Variants in ALCAM observed in about 807,000 individuals in gnomAD.
The protein encoded by ALCAM is CD166 antigen.
ALCAM carries 30 observed loss-of-function variants against 70.9 expected under a neutral mutation model. The ratio of observed to expected loss-of-function variants is 0.42; its 90% confidence interval spans 0.32 to 0.57. The LOEUF (loss-of-function observed/expected upper bound fraction) is 0.57. Among genes scored for constraint, ALCAM ranks in the 20% least tolerant of loss-of-function variants. The pLI is 0.11. For missense variants in ALCAM, 591 were observed against 695.1 expected, an observed-to-expected ratio of 0.85 and a Z score of 1.68; for synonymous variants, 249 against 242.5, an observed-to-expected ratio of 1.03 and a Z score of -0.25.
intron 6 of ALCAM, among the ~76,000 whole-genome samples, chr3:105,538,683 A>T (rs1940036076): frequency 1.3e-5 from 2 of 152,114 alleles, no homozygotes; most frequent in African/African-American, 4.8e-5. Context: ...AGGGCCAAGT[A>T]AGAAAAGCAA....
chr3:105,416,105 T>C (rs771788292), intron 1 of ALCAM, among the ~76,000 whole-genome samples: 1 of 152,056 alleles, frequency 6.6e-6, no homozygotes, highest in Non-Finnish European at 1.5e-5. Flanking sequence ...TCCTGATTCT[T>C]TGCTGCATCT....
intron 11 of ALCAM, among the ~76,000 whole-genome samples, chr3:105,548,284 C>G (rs1202103936): frequency 6.6e-6 from 1 of 151,316 alleles, no homozygotes; most frequent in Non-Finnish European, 1.5e-5. Context: ...ATTTGCCAAT[C>G]TGCTTGGGTT....
At chr3:105,508,839 G>C (rs1471243363) in intron 1 of ALCAM, among the ~76,000 whole-genome samples, 1 of 151,860 alleles carries the variant, frequency 6.6e-6, no homozygotes, top group Non-Finnish European at 1.5e-5. Context: ...GTCCTATACA[G>C]TTGTAACTTT....
chr3:105,450,863 T>A (rs1340346094), intron 1 of ALCAM, among the ~76,000 whole-genome samples: 1 of 152,110 alleles, frequency 6.6e-6, no homozygotes, highest in African/African-American at 2.4e-5. Context: ...ATTTAAGGCA[T>A]CCTGAGGTCA....
chr3:105,541,691 A>G lies in ALCAM; in HGVS notation c.917A>G (p.Asn306Ser), dbSNP rs781323112. Residue 306 changes from asparagine (N) to serine (S), a missense_variant, in exon 8 of 16, where the codon AAT becomes AGT. By Grantham distance (46) the Asn-to-Ser change is conservative (BLOSUM62 1). Around this residue, in one of 2 missense-constraint regions of ALCAM, gnomAD observed 427 missense variants for 450.4 expected, o/e 0.95. Transcript: ENST00000306107. ...NTYTLTDVRR[N>S]ATGDYKCSLI... ...TACACACTGACGGATGTGAGGCGCA[A>G]TGCAACAGGAGACTACAAGTGTTCC... The G allele has an allele frequency of 1.3e-5, 21 of 1,612,350 alleles. No homozygotes were observed. Among genetic ancestry groups the G allele is most frequent in the Non-Finnish European group, 1.8e-5 (21 of 1,178,856 alleles).
At chr3:105,559,179 A>G (rs576513329) in intron 14 of ALCAM, among the ~76,000 whole-genome samples, 73 of 148,196 alleles carry the variant, frequency 4.9e-4, no homozygotes, top group Middle Eastern at 3.6e-3. Flanking sequence ...TATATATTAT[A>G]TATACATGTA....
chr3:105,570,220 T>C (rs9828587), intron 14 of ALCAM, among the ~76,000 whole-genome samples: 12,521 of 152,026 alleles, frequency 0.082, 661 homozygotes, highest in Non-Finnish European at 0.12. Flanking sequence ...TTGTAGTTAA[T>C]AGATAAGGCA....
At chr3:105,406,914 C>T (rs747541340) in intron 1 of ALCAM, among the ~76,000 whole-genome samples, 56 of 151,906 alleles carry the variant, frequency 3.7e-4, no homozygotes, top group Non-Finnish European at 6.9e-4. Flanking sequence ...TCATTCAAGA[C>T]GACTATGAAC....
At position 105,474,770 on chromosome 3, in the gene ALCAM, G is replaced by A. The variant is rs540537619; in HGVS notation, c.74-45297G>A. Among the ~76,000 whole-genome samples the A allele has an allele frequency of 5.3e-5, 8 of 151,572 alleles. No individual in the cohort carries two copies. In the South Asian group the frequency reaches 1.7e-3, roughly 31 times the overall value. ...ACATACTATAATTTTAAATTTAAATGTTTAATAGTTTACTTATTATAATTT... is the reference window on the plus strand; with the variant it reads ...ACATACTATAATTTTAAATTTAAATATTTAATAGTTTACTTATTATAATTT... On this transcript the variant is annotated intron_variant, in intron 1 of 15. Transcript: ENST00000306107.
intron 1 of ALCAM, among the ~76,000 whole-genome samples, chr3:105,505,884 G>A (rs573844132): frequency 6.6e-6 from 1 of 152,084 alleles, no homozygotes; most frequent in Non-Finnish European, 1.5e-5. Context: ...CTTTCCCACA[G>A]AAATCATTAT....
chr3:105,400,326 C>A (rs1936057921), intron 1 of ALCAM, among the ~76,000 whole-genome samples: 1 of 152,044 alleles, frequency 6.6e-6, no homozygotes, highest in African/African-American at 2.4e-5. Flanking sequence ...AAATCTGCTG[C>A]AAACATCATT....
chr3:105,464,612 A>T (rs1937662343), intron 1 of ALCAM, among the ~76,000 whole-genome samples: 2 of 151,432 alleles, frequency 1.3e-5, no homozygotes, highest in African/African-American at 4.8e-5. Context: ...TTATCATAAA[A>T]ACAGAAAAGT....
chr3:105,486,792 C>G (rs1938441081), intron 1 of ALCAM, among the ~76,000 whole-genome samples: 1 of 152,008 alleles, frequency 6.6e-6, no homozygotes, highest in African/African-American at 2.4e-5. Flanking sequence ...AAACTTGATT[C>G]AAGAAATAGT....
chr3:105,460,153 A>G (rs893771857), intron 1 of ALCAM, among the ~76,000 whole-genome samples: 3 of 152,038 alleles, frequency 2.0e-5, no homozygotes, highest in African/African-American at 7.2e-5. Flanking sequence ...TTGTGCATGC[A>G]GAAAGGTTAT....
intron 14 of ALCAM, among the ~76,000 whole-genome samples, chr3:105,554,690 T>C (rs1940479469): frequency 7.2e-5 from 11 of 151,994 alleles, no homozygotes; most frequent in Admixed American, 7.2e-4. Flanking sequence ...ACCTGTGCTA[T>C]GTAAGTGAAA....
At chr3:105,399,121 G>A (rs1351654168) in intron 1 of ALCAM, among the ~76,000 whole-genome samples, 1 of 151,996 alleles carries the variant, frequency 6.6e-6, no homozygotes, top group Non-Finnish European at 1.5e-5. Context: ...TTTTTAAAAT[G>A]CTACTTGAGT....
In ALCAM at chr3:105,497,764, G is replaced by A. The variant is rs143220559; in HGVS notation, c.74-22303G>A. 8.4e-3 allele frequency among the ~76,000 whole-genome samples: 1,282 copies of A among 152,190 alleles called. 17 individuals are homozygous for A. Among genetic ancestry groups the A allele is most frequent in the African/African-American group, 0.028 (1,182 of 41,508 alleles). On this transcript the variant is annotated intron_variant, in intron 1 of 15. Coordinates refer to ENST00000306107, the MANE Select transcript of ALCAM (RefSeq NM_001627.4). ...GGAAATTGGGGGCCTGGGTGAGGTC[G>A]CTCACGCCTGTAATCCTAGCACTTT...
Position 105,557,416 on chromosome 3 carries a change from C to T in ALCAM, c.1664+4831C>T, listed in dbSNP as rs1255984715. Among the ~76,000 whole-genome samples, 3 of 152,096 alleles carry T rather than the reference C, an allele frequency of 2.0e-5. No homozygotes were observed. The East Asian group carries it at 5.8e-4, about 29-fold the overall frequency. Reference sequence around the variant, plus strand: ...TCAGAGGGCAGCACCATCCATGGCCCTCTCCTCTTCTGCTGCATGTGACCT... The same window carrying T: ...TCAGAGGGCAGCACCATCCATGGCCTTCTCCTCTTCTGCTGCATGTGACCT... On this transcript the variant is annotated intron_variant, in intron 14 of 15. Transcript: ENST00000306107.
intron 7 of ALCAM, among the ~76,000 whole-genome samples, chr3:105,540,463 GC>G (rs1156959464): frequency 6.6e-6 from 1 of 151,944 alleles, no homozygotes; most frequent in African/African-American, 2.4e-5. Flanking sequence ...CCACAACATT[GC>G]CCCGAACACA....
Sources: gnomAD v4.1 joint callset for allele counts (sites outside exome capture counted in the v4.1 genomes callset) on GRCh38, gnomAD v4.1.1 for gene constraint, gnomAD v4.1.1 regional missense constraint, MANE v1.5 for transcripts, NCBI Gene and HGNC (gene_info 2026-07-23, HGNC 2026-07-21) for gene names.